The following RPS3 variants were observed in gnomAD, a reference collection of about 807,000 sequenced individuals.
RPS3 encodes small ribosomal subunit protein uS3.
A neutral mutation model predicts 25.8 loss-of-function variants in RPS3; 2 were observed. The observed-to-expected ratio is 0.08, with a 90% CI of 0.03 to 0.24. The LOEUF (loss-of-function observed/expected upper bound fraction) is 0.24. Among genes scored for constraint, RPS3 ranks in the 10% least tolerant of loss-of-function variants. The probability of loss-of-function intolerance (pLI) is 1.00; values close to 1 mark genes in which losing one functional copy is unlikely to be tolerated. For missense variants in RPS3, 107 were observed against 307.1 expected (o/e 0.35, Z 4.87); for synonymous variants, 114 against 114.2 (o/e 1.00, Z 0.01).
At position 75,406,740 on chromosome 11, in the gene RPS3, T is replaced by G. The variant is rs1235928776; in HGVS notation, c.*1130T>G. ...ATCTGTGGATTCAACCAACTTTGGGTCAAAAATAATCAAAAAGGATGGTTG... is the reference window on the plus strand; with the variant it reads ...ATCTGTGGATTCAACCAACTTTGGGGCAAAAATAATCAAAAAGGATGGTTG... On this transcript the variant is annotated 3_prime_UTR_variant, in exon 7 of 7. Transcript: ENST00000531188. 6.6e-6 allele frequency: 1 copy of G among 152,204 alleles called. No homozygotes were observed. Among genetic ancestry groups the G allele is most frequent in the Non-Finnish European group, 1.5e-5 (1 of 68,038 alleles). 9.4% of individuals were successfully genotyped at this position (152,204 alleles called of 1,614,324 possible). A position where few individuals can be genotyped will look rare whatever the true frequency, so the allele number is the denominator to read the frequency against.
chr11:75,400,346 C>T (rs375041984), intron 1 of RPS3: 79 of 520,298 alleles, frequency 1.5e-4, no homozygotes, highest in African/African-American at 1.3e-3. Context: ...TGTAAATAGG[C>T]CATTAGAGCA....
chr11:75,400,335 G>A, intron 1 of RPS3: 1 of 517,804 alleles, frequency 1.9e-6, no homozygotes, highest in Non-Finnish European at 3.8e-6. Flanking sequence ...GCTGAATGAA[G>A]TGTAAATAGG....
At chr11:75,409,509 C>A (rs1225081505), downstream of RPS3, among the ~76,000 whole-genome samples, 4 of 126,980 alleles carry the variant, frequency 3.2e-5, no homozygotes, top group Non-Finnish European at 6.6e-5. Context: ...GGGATAAGGT[C>A]ACAGATCAAC....
At chr11:75,416,544 C>T (rs757418958) in intron 6 of RPS3, among the ~76,000 whole-genome samples, 20 of 151,230 alleles carry the variant, frequency 1.3e-4, no homozygotes, top group African/African-American at 2.4e-4. Flanking sequence ...CTGCAACCTC[C>T]GCCTCCTGGG....
chr11:75,411,619 T>A (rs1173998830), downstream of RPS3, among the ~76,000 whole-genome samples: 1 of 151,098 alleles, frequency 6.6e-6, no homozygotes, highest in Admixed American at 6.6e-5. Context: ...CTCGATCTCC[T>A]GACCTCATGA....
chr11:75,404,946 A>G lies in RPS3; in HGVS notation c.*3+78A>G, dbSNP rs1018467998. 1.7e-4 allele frequency: 159 copies of G among 954,250 alleles called. No individual in the cohort carries two copies. The highest frequency in any genetic ancestry group is 2.4e-4 in the Non-Finnish European group (154 of 654,250). 59.1% of individuals were successfully genotyped at this position (954,250 alleles called of 1,614,324 possible). ...CTTTCTGTTAATACTTGTATCCCAC[A>G]TTCTGGTAAGCGTTTGGTGAATAAA... On this transcript the variant is annotated intron_variant, in intron 6 of 6. Coordinates refer to ENST00000531188, the MANE Select transcript of RPS3 (RefSeq NM_001005.5). The surrounding 1 kb of genome is among the most constrained non-coding windows in gnomAD (Gnocchi z 4.6).
At chr11:75,413,964 A>G (rs1034032494) in intron 6 of RPS3, among the ~76,000 whole-genome samples, 6 of 152,328 alleles carry the variant, frequency 3.9e-5, no homozygotes, top group Admixed American at 3.9e-4. Flanking sequence ...AGCCAAGGTC[A>G]TGGCTGAAAA....
downstream of RPS3, among the ~76,000 whole-genome samples, chr11:75,409,375 G>C (rs1384718117): frequency 7.3e-6 from 1 of 137,162 alleles, no homozygotes; most frequent in Admixed American, 7.6e-5. Flanking sequence ...AGATTAGGGA[G>C]TGGTGATGCC....
intron 2 of RPS3, 53 bp from the exon 3 acceptor site, chr11:75,401,587 A>G: frequency 8.1e-7 from 1 of 1,232,900 alleles, no homozygotes. Flanking sequence ...TGCAAGATTT[A>G]AAGTTACATC....
chr11:75,408,929 C>A (rs1453144843), downstream of RPS3, among the ~76,000 whole-genome samples: 1 of 152,120 alleles, frequency 6.6e-6, no homozygotes, highest in Non-Finnish European at 1.5e-5. Flanking sequence ...ATAAATTATG[C>A]TGGGACTCCC....
At chr11:75,413,235 G>GTATA (rs1168562802) in intron 6 of RPS3, among the ~76,000 whole-genome samples, 7 of 118,040 alleles carry the variant, frequency 5.9e-5, no homozygotes, top group Admixed American at 4.0e-4. Flanking sequence ...GTGTGTGTGT[G>GTATA]TATATATATA....
Position 75,404,359 on chromosome 11 carries a change from G to T in RPS3, c.538+152G>T. The T allele has an allele frequency of 1.2e-6, 1 of 827,326 alleles. No individual in the cohort carries two copies. The allele number at this position is 827,326 out of a possible 1,614,324, so 51.2% of individuals were successfully genotyped here. A position where few individuals can be genotyped will look rare whatever the true frequency, so the allele number is the denominator to read the frequency against. On this transcript the variant is annotated intron_variant, in intron 5 of 6. Transcript: ENST00000531188. This position sits in a 1 kb window ranked among gnomAD's most constrained non-coding sequence, Gnocchi z 4.6. ...ATTGCCACGTTGATCTGTAAGAATC[G>T]ATTTGCTGAGATCTGTCAGATCCAA...
intron 4 of RPS3, 63 bp from the exon 5 acceptor site, chr11:75,403,954 TTTG>T: frequency 6.8e-7 from 1 of 1,479,206 alleles, no homozygotes; most frequent in Non-Finnish European, 9.2e-7. Context: ...AAGTCTTTGT[TTTG>T]TTTTTTAAAC....
chr11:75,420,102 G>A (rs1948430756), intron 6 of RPS3, among the ~76,000 whole-genome samples: 1 of 152,208 alleles, frequency 6.6e-6, no homozygotes, highest in Non-Finnish European at 1.5e-5. Context: ...CCGCACACCT[G>A]AGGGCTCAGT....
At position 75,400,699 on chromosome 11, in the gene RPS3, C is replaced by T. The variant is rs1948197109; in HGVS notation, c.36C>T (p.Val12=). The T allele has an allele frequency of 6.2e-7, 1 of 1,612,182 alleles. No individual in the cohort carries two copies. Among genetic ancestry groups the T allele is most frequent in the Non-Finnish European group, 8.5e-7 (1 of 1,178,774 alleles). The part of the protein sequence containing the change: ...AVQISKKRKF[V]ADGIFKAELN... ...CTTTGCTTTGTTTGGATTAGTTTGTCGCTGATGGCATCTTCAAAGCTGAAC... is the reference window on the plus strand; with the variant it reads ...CTTTGCTTTGTTTGGATTAGTTTGTTGCTGATGGCATCTTCAAAGCTGAAC... Residue 12 remains valine (V), a synonymous_variant, in exon 2 of 7, where the codon GTC becomes GTT. Transcript: ENST00000531188.
chr11:75,416,775 A>G (rs999750163), intron 6 of RPS3, among the ~76,000 whole-genome samples: 2 of 152,198 alleles, frequency 1.3e-5, no homozygotes, highest in South Asian at 2.1e-4. Context: ...TGATGTTGCT[A>G]TGTATAAATG....
At chr11:75,411,161 C>T (rs1443081740), downstream of RPS3, among the ~76,000 whole-genome samples, 1 of 152,072 alleles carries the variant, frequency 6.6e-6, no homozygotes, top group African/African-American at 2.4e-5. Context: ...CAGGCATGAG[C>T]CACCGTGCCC....
At chr11:75,405,352 C>T (rs1161060500) in intron 6 of RPS3, 1 of 257,428 alleles carries the variant, frequency 3.9e-6, no homozygotes, top group East Asian at 1.1e-4. Flanking sequence ...TTTCTAGGCA[C>T]TTTTGCTATT....
At chr11:75,407,100 C>T (rs1948297093), downstream of RPS3, among the ~76,000 whole-genome samples, 1 of 152,196 alleles carries the variant, frequency 6.6e-6, no homozygotes, top group South Asian at 2.1e-4. Flanking sequence ...GCCCCTCCCT[C>T]ACCTTTTTGA....
Sources: allele counts gnomAD v4.1 joint callset (sites outside exome capture counted in the v4.1 genomes callset), GRCh38; gene constraint gnomAD v4.1.1; non-coding constraint Gnocchi (gnomAD v3.1); transcripts MANE v1.5; gene names NCBI Gene and HGNC (gene_info 2026-07-23, HGNC 2026-07-21).